Variants in SCFD2 observed in about 807,000 individuals in gnomAD.
SCFD2 encodes sec1 family domain containing 2, also known as sec1 family domain-containing protein 2.
A neutral mutation model predicts 58.9 loss-of-function variants in SCFD2; 54 were observed. The observed-to-expected ratio is 0.92, with a 90% CI of 0.74 to 1.15. SCFD2 has a LOEUF of 1.15. Ranked by LOEUF, SCFD2 falls within the 50% of genes most tolerant of loss-of-function variation. The pLI is 0.00. For missense variants in SCFD2, 805 were observed against 836.6 expected (o/e 0.96, Z 0.47); for synonymous variants, 321 against 335.9 (o/e 0.96, Z 0.49).
rs1560390430 is a variant in SCFD2 at position 53,215,885 on chromosome 4, T to G, written c.1311+57941A>C. Among the ~76,000 whole-genome samples, 3 of 152,172 alleles carry G rather than the reference T, an allele frequency of 2.0e-5. 1 individual carries two copies. Among genetic ancestry groups the G allele is most frequent in the African/African-American group, 7.2e-5 (3 of 41,444 alleles). ...TGCTAATTTTATCAAAGGCCTTTTC[T>G]GCATCTATTGAGATAATCATGTGGT... On this transcript the variant is annotated intron_variant, in intron 4 of 8. Transcript: ENST00000401642.
chr4:53,328,207 AGTGT>A (rs767200195), intron 2 of SCFD2, among the ~76,000 whole-genome samples: 53 of 146,088 alleles, frequency 3.6e-4, no homozygotes, highest in Non-Finnish European at 6.7e-4. Flanking sequence ...TGTGTGTGTG[AGTGT>A]GTGTGTATGT....
intron 5 of SCFD2, among the ~76,000 whole-genome samples, chr4:53,023,189 C>T (rs1722391175): frequency 6.6e-6 from 1 of 152,124 alleles, no homozygotes; most frequent in African/African-American, 2.4e-5. Flanking sequence ...TGTGATATTA[C>T]ATTTAATTTT....
At chr4:53,287,485 T>C (rs1731706536) in intron 3 of SCFD2, among the ~76,000 whole-genome samples, 1 of 152,130 alleles carries the variant, frequency 6.6e-6, no homozygotes, top group African/African-American at 2.4e-5. Context: ...ATCACTGACA[T>C]TGATCACAGC....
At position 53,194,423 on chromosome 4, in the gene SCFD2, GC is replaced by G. The variant is rs1453223166; in HGVS notation, c.1312-48842del. The stretch of plus-strand genomic sequence containing the variant: ...AGAACCTATAATTATATAAGTTATT[GC>G]TAGCAGTACATTTGTGCCTCACTTT... On this transcript the variant is annotated intron_variant, in intron 4 of 8. Transcript: ENST00000401642. Among the ~76,000 whole-genome samples the G allele has an allele frequency of 2.6e-5, 4 of 152,052 alleles. 1 individual carries two copies. The highest frequency in any genetic ancestry group is 9.7e-5 in the African/African-American group (4 of 41,402).
rs35585900 is a variant in SCFD2, at chr4:53,247,867, C to CAAAA, written c.1311+25955_1311+25958dup. On this transcript the variant is annotated intron_variant, in intron 4 of 8. Transcript: ENST00000401642. ...TGGGCAACAGAGCGAGACTCCGTCT[C>CAAAA]AAAAAAAAAAAAAAAAAAAAAAAAA... Among the ~76,000 whole-genome samples, 19 of 54,512 alleles carry CAAAA rather than the reference C, an allele frequency of 3.5e-4. 1 individual carries two copies. The highest frequency in any genetic ancestry group is 5.0e-4 in the East Asian group (1 of 2,006). 35.8% of individuals were successfully genotyped at this position (54,512 alleles called of 152,430 possible).
intron 5 of SCFD2, among the ~76,000 whole-genome samples, chr4:53,135,493 T>C (rs1172279081): frequency 1.3e-5 from 2 of 152,168 alleles, no homozygotes; most frequent in African/African-American, 2.4e-5. Flanking sequence ...CCCAGCACTT[T>C]GGGAGGCCGA....
At chr4:53,300,649 C>T (rs1468664196) in intron 3 of SCFD2, among the ~76,000 whole-genome samples, 1 of 152,172 alleles carries the variant, frequency 6.6e-6, no homozygotes, top group Non-Finnish European at 1.5e-5. Context: ...AATATACATT[C>T]TTTTCAGCAC....
intron 4 of SCFD2, among the ~76,000 whole-genome samples, chr4:53,190,579 A>G (rs1426359347): frequency 6.6e-6 from 1 of 152,116 alleles, no homozygotes; most frequent in African/African-American, 2.4e-5. Context: ...GCATTTATCC[A>G]CGGCATTATA....
chr4:53,084,970 C>G (rs578034944), intron 5 of SCFD2, among the ~76,000 whole-genome samples: 1 of 152,312 alleles, frequency 6.6e-6, no homozygotes, highest in South Asian at 2.1e-4. Context: ...CCTCTAAGAT[C>G]TGGAACACAA....
At position 53,235,486 on chromosome 4, in the gene SCFD2, G is replaced by A. The variant is rs529697617; in HGVS notation, c.1311+38340C>T. ...ATTTGAGGACATACTCATGAATAAA[G>A]TACCCAAGGTCTCTGCTCTCACTTA... On this transcript the variant is annotated intron_variant, in intron 4 of 8. Coordinates refer to ENST00000401642, the MANE Select transcript of SCFD2 (RefSeq NM_152540.4). Among the ~76,000 whole-genome samples, 97 of 152,296 alleles carry A rather than the reference G, an allele frequency of 6.4e-4. 1 individual carries two copies. Among genetic ancestry groups the A allele is most frequent in the African/African-American group, 2.2e-3 (92 of 41,540 alleles).
chr4:53,088,921 C>G (rs1245029884), intron 5 of SCFD2, among the ~76,000 whole-genome samples: 2 of 152,056 alleles, frequency 1.3e-5, no homozygotes, highest in Admixed American at 6.6e-5. Flanking sequence ...GAAGTGGGCA[C>G]TTTGGTAGGT....
intron 2 of SCFD2, among the ~76,000 whole-genome samples, chr4:53,318,794 A>T (rs1732939497): frequency 1.3e-5 from 2 of 152,110 alleles, no homozygotes; most frequent in Admixed American, 6.6e-5. Context: ...ATACAATGTT[A>T]AATATAGTTT....
At chr4:53,284,447 T>A (rs186220128) in intron 3 of SCFD2, among the ~76,000 whole-genome samples, 1 of 152,294 alleles carries the variant, frequency 6.6e-6, no homozygotes, top group African/African-American at 2.4e-5. Context: ...CATTTTTTAT[T>A]TTATATATGT....
intron 4 of SCFD2, among the ~76,000 whole-genome samples, chr4:53,181,421 T>C (rs982588607): frequency 1.3e-5 from 2 of 152,128 alleles, no homozygotes; most frequent in African/African-American, 4.8e-5. Context: ...ATTATCTCAA[T>C]AGATGCAGAA....
At chr4:53,161,815 G>GT (rs1726861390) in intron 4 of SCFD2, among the ~76,000 whole-genome samples, 1 of 152,112 alleles carries the variant, frequency 6.6e-6, no homozygotes, top group South Asian at 2.1e-4. Context: ...AAGAACTCTT[G>GT]TTATCATATT....
intron 7 of SCFD2, among the ~76,000 whole-genome samples, chr4:52,888,584 C>A (rs1474387401): frequency 6.6e-6 from 1 of 152,198 alleles, no homozygotes; most frequent in South Asian, 2.1e-4. Flanking sequence ...CCTTTGTCAT[C>A]ATCTAACCTG....
At chr4:53,131,846 T>C (rs1357937188) in intron 5 of SCFD2, among the ~76,000 whole-genome samples, 1 of 152,232 alleles carries the variant, frequency 6.6e-6, no homozygotes, top group Non-Finnish European at 1.5e-5. Context: ...TCTTTCATGA[T>C]TGAGAAATAT....
intron 5 of SCFD2, among the ~76,000 whole-genome samples, chr4:53,085,546 T>C (rs1013870897): frequency 6.6e-6 from 1 of 152,118 alleles, no homozygotes; most frequent in Admixed American, 6.6e-5. Context: ...CTAAAACTTA[T>C]ATGAAACCAC....
chr4:53,246,929 A>C (rs1354170940), intron 4 of SCFD2, among the ~76,000 whole-genome samples: 4 of 148,696 alleles, frequency 2.7e-5, no homozygotes, highest in Non-Finnish European at 4.4e-5. Flanking sequence ...AATGGAAAAA[A>C]TTTTTGCAAA....
Sources: allele counts gnomAD v4.1 joint callset (sites outside exome capture counted in the v4.1 genomes callset), GRCh38; gene constraint gnomAD v4.1.1; transcripts MANE v1.5; gene names NCBI Gene and HGNC (gene_info 2026-07-23, HGNC 2026-07-21).